TBX4: variants seen among roughly 807,000 people sequenced by gnomAD.
TBX4 encodes the protein T-box transcription factor 4.
Under a neutral mutation model 54.6 loss-of-function variants are expected in TBX4, and 13 were observed. The ratio of observed to expected loss-of-function variants is 0.24; its 90% confidence interval spans 0.15 to 0.38. TBX4 has a LOEUF of 0.38. Among genes scored for constraint, TBX4 ranks in the 10% least tolerant of loss-of-function variants. The pLI is 1.00. For synonymous variants in TBX4, 314 were observed against 306.7 expected, an observed-to-expected ratio of 1.02 and a Z score of -0.25; for missense variants, 631 against 728.5, an observed-to-expected ratio of 0.87 and a Z score of 1.54.
rs894000158 is a variant in TBX4 at position 61,472,452 on chromosome 17, T to TCTC, written c.549+4796_549+4798dup. Among the ~76,000 whole-genome samples the TCTC allele has an allele frequency of 2.0e-5, 3 of 152,242 alleles. No homozygotes were observed. The highest frequency in any genetic ancestry group is 7.2e-5 in the African/African-American group (3 of 41,460). On this transcript the variant is annotated intron_variant, in intron 5 of 8. Coordinates refer to ENST00000644296, the MANE Select transcript of TBX4 (RefSeq NM_001321120.2). The surrounding 1 kb of genome is among the most constrained non-coding windows in gnomAD (Gnocchi z 4.5). ...AATTTCCTCTCCTGCGAACTGCTGT[T>TCTC]CTCATCCTTTGCTCATTTTTCTTGT... is the stretch of plus-strand genomic sequence containing the variant.
Position 61,465,972 on chromosome 17 carries a change from C to G in TBX4, c.401+34C>G. The G allele has an allele frequency of 1.2e-6, 2 of 1,612,476 alleles. No individual in the cohort carries two copies. Among genetic ancestry groups the G allele is most frequent in the Non-Finnish European group, 8.5e-7 (1 of 1,178,936 alleles). On this transcript the variant is annotated intron_variant, in intron 4 of 8. Transcript: ENST00000644296. The surrounding 1 kb of genome is among the most constrained non-coding windows in gnomAD (Gnocchi z 4.9). ...ACCCTGACCGCATCACCCACGTTCC[C>G]TCAACTGCCCACTTGCCACGCCCCC...
In TBX4 at chr17:61,484,944, A is replaced by AT. The variant is rs1491487637; in HGVS notation, c.*1428_*1429insT. Reference sequence around the variant, plus strand: ...AATGGTTTAGATAAAACATATAAATAAATATATATATATATATATATATAT... The same window carrying AT: ...AATGGTTTAGATAAAACATATAAATATAATATATATATATATATATATATAT... On this transcript the variant is annotated 3_prime_UTR_variant, in exon 9 of 9. Coordinates refer to ENST00000644296, the MANE Select transcript of TBX4 (RefSeq NM_001321120.2). This position sits in a 1 kb window ranked among gnomAD's most constrained non-coding sequence, Gnocchi z 4.1. 52 of 90,404 alleles carry AT rather than the reference A, an allele frequency of 5.8e-4. 1 individual carries two copies. Among genetic ancestry groups the AT allele is most frequent in the East Asian group, 4.6e-3 (7 of 1,526 alleles). The allele number at this position is 90,404 out of a possible 1,614,324, so 5.6% of individuals were successfully genotyped here.
chr17:61,466,194 T>C (rs186089400), intron 4 of TBX4, among the ~76,000 whole-genome samples: 29 of 152,346 alleles, frequency 1.9e-4, no homozygotes, highest in Admixed American at 1.8e-3. Context: ...CAAGGGTCTG[T>C]ACTCTCCTTA....
chr17:61,454,250 C>T (rs2060431725), intron 1 of TBX4, among the ~76,000 whole-genome samples: 1 of 152,208 alleles, frequency 6.6e-6, no homozygotes, highest in Non-Finnish European at 1.5e-5. Context: ...TTAAAAAGCA[C>T]GAAATAGTAA....
chr17:61,480,148 C>T lies in TBX4; in HGVS notation c.850C>T (p.Leu284Phe). ...GAGGCAGAGGCTCATCTCCCCCCAG[C>T]TCTCAGCCACACCGGACGTGGGCCC... The part of the protein sequence containing the change: ...IMRQRLISPQ[L>F]SATPDVGPLL... The change falls in exon 8 of 9, where the codon CTC (leucine) becomes TTC (phenylalanine). Residue 284 changes from leucine (L) to phenylalanine (F), a missense_variant. Physicochemically the swap from Leu to Phe is conservative, Grantham distance 22. This residue lies in a region of TBX4 where 354 missense variants were observed against 368.9 expected (regional missense o/e 0.96). Transcript: ENST00000644296. This position sits in a 1 kb window ranked among gnomAD's most constrained non-coding sequence, Gnocchi z 6.2. 6.2e-7 allele frequency: 1 copy of T among 1,614,142 alleles called. No individual in the cohort carries two copies.
Position 61,483,209 on chromosome 17 carries a change from C to A in TBX4, c.1334C>A (p.Thr445Lys). The A allele has an allele frequency of 1.9e-6, 3 of 1,614,210 alleles. No individual in the cohort carries two copies. The highest frequency in any genetic ancestry group is 2.5e-6 in the Non-Finnish European group (3 of 1,180,034). ...METVPYQPFPTHFTATTMMPR... is the reference protein window; with the variant it reads ...METVPYQPFPKHFTATTMMPR... ...ACTGTGCCGTACCAGCCCTTCCCCACGCACTTCACCGCCACCACCATGATG... is the reference window on the plus strand; with the variant it reads ...ACTGTGCCGTACCAGCCCTTCCCCAAGCACTTCACCGCCACCACCATGATG... Residue 445 changes from threonine (T) to lysine (K), a missense_variant, in exon 9 of 9, where the codon ACG (threonine) becomes AAG (lysine). Thr to Lys is a moderately conservative substitution (Grantham distance 78). Transcript: ENST00000644296. The surrounding 1 kb of genome is among the most constrained non-coding windows in gnomAD (Gnocchi z 6.6).
chr17:61,467,805 C>A, intron 5 of TBX4, 148 bp downstream of exon 5: 2 of 964,470 alleles, frequency 2.1e-6, no homozygotes, highest in Non-Finnish European at 3.1e-6. Flanking sequence ...GGAGCTCAAG[C>A]CTCTGAGGCC....
rs2060456979 is a variant in TBX4, at chr17:61,457,102, T to C, written c.186+426T>C. ...AGGCCTCTGGGACGTCGCCGAGGGC[T>C]TCACAGTGATAATCGGACGATCACA... is the stretch of plus-strand genomic sequence containing the variant. On this transcript the variant is annotated intron_variant, in intron 2 of 8. Coordinates refer to ENST00000644296, the MANE Select transcript of TBX4 (RefSeq NM_001321120.2). The surrounding 1 kb of genome is among the most constrained non-coding windows in gnomAD (Gnocchi z 8.2). 6.6e-6 allele frequency among the ~76,000 whole-genome samples: 1 copy of C among 152,126 alleles called. No individual in the cohort carries two copies. The highest frequency in any genetic ancestry group is 1.5e-5 in the Non-Finnish European group (1 of 68,018).
chr17:61,482,149 A>G (rs1262381667), intron 8 of TBX4, among the ~76,000 whole-genome samples: 3 of 152,216 alleles, frequency 2.0e-5, no homozygotes, highest in Non-Finnish European at 4.4e-5. Context: ...AGGGGAGGTC[A>G]TGCCACTCCA....
In TBX4 at chr17:61,472,674, C is replaced by G. The variant is rs935320327; in HGVS notation, c.549+5017C>G. Among the ~76,000 whole-genome samples the G allele has an allele frequency of 6.6e-5, 10 of 152,168 alleles. No individual in the cohort carries two copies. The highest frequency in any genetic ancestry group is 2.2e-4 in the African/African-American group (9 of 41,438). On this transcript the variant is annotated intron_variant, in intron 5 of 8. Transcript: ENST00000644296. This position sits in a 1 kb window ranked among gnomAD's most constrained non-coding sequence, Gnocchi z 4.5. ...GATTTTGAGTTATTGAAAGCCCTAA[C>G]CCCCCTCCTTACTTATAAGGGACTT... is the stretch of plus-strand genomic sequence containing the variant.
intron 2 of TBX4, 53 bp downstream of exon 2, chr17:61,456,729 G>C: frequency 7.7e-7 from 1 of 1,297,186 alleles, no homozygotes. Context: ...TGTCTGCGGG[G>C]CCGCCTGTGT....
Position 61,479,446 on chromosome 17 carries a change from C to T in TBX4, c.703-435C>T, listed in dbSNP as rs952818548. ...GACAGAGTCGGAACTGCATCTAGAA[C>T]GGTCACTCAGAGCCTGATGTAGTTG... On this transcript the variant is annotated intron_variant, in intron 6 of 8. Transcript: ENST00000644296. The surrounding 1 kb of genome is among the most constrained non-coding windows in gnomAD (Gnocchi z 6.1). Among the ~76,000 whole-genome samples the T allele has an allele frequency of 5.9e-5, 9 of 152,184 alleles. No individual in the cohort carries two copies. Among genetic ancestry groups the T allele is most frequent in the African/African-American group, 1.7e-4 (7 of 41,432 alleles).
intron 5 of TBX4, among the ~76,000 whole-genome samples, chr17:61,469,040 A>G (rs1374229557): frequency 6.6e-6 from 1 of 152,228 alleles, no homozygotes; most frequent in Non-Finnish European, 1.5e-5. Flanking sequence ...GGGCGAATAC[A>G]GAGCTTGTGG....
intron 5 of TBX4, among the ~76,000 whole-genome samples, chr17:61,470,319 T>A (rs150053745): frequency 6.6e-6 from 1 of 152,302 alleles, no homozygotes; most frequent in East Asian, 1.9e-4. Context: ...GTGGAACAAC[T>A]ATTTTGGGAT....
At position 61,483,653 on chromosome 17, in the gene TBX4, T is replaced by C. The variant is rs2060683687; in HGVS notation, c.*137T>C. The C allele has an allele frequency of 9.3e-7, 1 of 1,076,476 alleles. No homozygotes were observed. Among genetic ancestry groups the C allele is most frequent in the Non-Finnish European group, 1.4e-6 (1 of 728,056 alleles). 66.7% of individuals were successfully genotyped at this position (1,076,476 alleles called of 1,614,324 possible). A position where few individuals can be genotyped will look rare whatever the true frequency, so the allele number is the denominator to read the frequency against. ...GTGTGTGTGTGTGTGTGTGTGTGTG[T>C]ATACACGAGCATGTATGTATTTGGA... is the stretch of plus-strand genomic sequence containing the variant. On this transcript the variant is annotated 3_prime_UTR_variant, in exon 9 of 9. Transcript: ENST00000644296. This position sits in a 1 kb window ranked among gnomAD's most constrained non-coding sequence, Gnocchi z 6.6.
intron 5 of TBX4, among the ~76,000 whole-genome samples, chr17:61,477,418 C>A (rs554557927): frequency 6.6e-6 from 1 of 152,366 alleles, no homozygotes; most frequent in South Asian, 2.1e-4. Context: ...CTTTGTCCAG[C>A]CGCGGCAACC....
chr17:61,456,725 C>T, intron 2 of TBX4, 49 bp downstream of exon 2: 4 of 1,307,300 alleles, frequency 3.1e-6, no homozygotes, highest in South Asian at 1.9e-5. Context: ...GGTCTGTCTG[C>T]GGGGCCGCCT....
chr17:61,483,617 T>A lies in TBX4; in HGVS notation c.*101T>A, dbSNP rs989907690. ...AGAAACACAGGAAGGTATTCCAGTG[T>A]GTGTGTGTGTGTGTGTGTGTGTGTG... is the stretch of plus-strand genomic sequence containing the variant. On this transcript the variant is annotated 3_prime_UTR_variant, in exon 9 of 9. Transcript: ENST00000644296. This position sits in a 1 kb window ranked among gnomAD's most constrained non-coding sequence, Gnocchi z 6.6. The A allele has an allele frequency of 8.1e-5, 64 of 790,114 alleles. No individual in the cohort carries two copies. In the African/African-American group the frequency reaches 9.8e-4, roughly 12 times the overall value. 48.9% of individuals were successfully genotyped at this position (790,114 alleles called of 1,614,324 possible).
rs765530141 is a variant in TBX4 at position 61,478,807 on chromosome 17, G to GC, written c.702+32dup. The GC allele has an allele frequency of 6.2e-7, 1 of 1,614,062 alleles. No homozygotes were observed. The highest frequency in any genetic ancestry group is 8.5e-7 in the Non-Finnish European group (1 of 1,179,990). ...ACAGCCACTGCCCCACTGCCCCACA[G>GC]CCCCACTTAACACCACCCTGCGTTC... On this transcript the variant is annotated intron_variant, in intron 6 of 8. Coordinates refer to ENST00000644296, the MANE Select transcript of TBX4 (RefSeq NM_001321120.2). The surrounding 1 kb of genome is among the most constrained non-coding windows in gnomAD (Gnocchi z 7.4).
Sources: allele counts gnomAD v4.1 joint callset (sites outside exome capture counted in the v4.1 genomes callset), GRCh38; gene constraint gnomAD v4.1.1; regional missense constraint gnomAD v4.1.1; non-coding constraint Gnocchi (gnomAD v3.1); transcripts MANE v1.5; gene names NCBI Gene and HGNC (gene_info 2026-07-23, HGNC 2026-07-21).